Variants in ANAPC1 observed in about 807,000 individuals in gnomAD.
ANAPC1 encodes anaphase-promoting complex subunit 1.
Under a neutral mutation model 208.0 loss-of-function variants are expected in ANAPC1, and 36 were observed. The ratio of observed to expected loss-of-function variants is 0.17; its 90% CI spans 0.13 to 0.23. The LOEUF is 0.23. Among genes scored for constraint, ANAPC1 ranks in the 10% least tolerant of loss-of-function variants. The probability of loss-of-function intolerance (pLI) is 1.00; values close to 1 mark genes in which losing one functional copy is unlikely to be tolerated. For synonymous variants in ANAPC1, 378 were observed against 695.2 expected (o/e 0.54, Z 7.18); for missense variants, 942 against 2,011.6 (o/e 0.47, Z 10.17).
intron 7 of ANAPC1, among the ~76,000 whole-genome samples, chr2:111,865,439 A>G (rs1221326177): frequency 1.3e-5 from 2 of 152,098 alleles, no homozygotes; most frequent in Admixed American, 1.3e-4. Flanking sequence ...TTTCCCAGTG[A>G]GTTCAGCTTT....
chr2:111,844,143 A>G (rs574527610), intron 16 of ANAPC1, among the ~76,000 whole-genome samples: 1 of 152,118 alleles, frequency 6.6e-6, no homozygotes, highest in Admixed American at 6.5e-5. Context: ...TTTGATCATT[A>G]ATTTTGCATC....
chr2:111,810,311 G>A (rs972456966), intron 28 of ANAPC1, among the ~76,000 whole-genome samples: 5 of 150,744 alleles, frequency 3.3e-5, no homozygotes, highest in Non-Finnish European at 7.4e-5. Context: ...GTGGGGGGGG[G>A]TGAGGTAGAG....
chr2:111,872,292 G>A (rs561182044), intron 6 of ANAPC1, among the ~76,000 whole-genome samples: 12 of 152,158 alleles, frequency 7.9e-5, no homozygotes, highest in African/African-American at 2.9e-4. Flanking sequence ...ATTGACTTGT[G>A]TATGTTAAAC....
At chr2:111,828,756 G>C (rs1679970304) in intron 21 of ANAPC1, among the ~76,000 whole-genome samples, 1 of 152,188 alleles carries the variant, frequency 6.6e-6, no homozygotes, top group African/African-American at 2.4e-5. Flanking sequence ...AAATTCATAA[G>C]AAACAGAACG....
chr2:111,791,796 G>GT (rs1405078243), intron 38 of ANAPC1, among the ~76,000 whole-genome samples: 3 of 151,846 alleles, frequency 2.0e-5, no homozygotes, highest in African/African-American at 7.2e-5. Context: ...GACGGGTGCT[G>GT]TGAGTTGAAA....
At chr2:111,822,705 T>TAA in intron 24 of ANAPC1, 105 bp from the exon 25 acceptor site, 1 of 501,606 alleles carries the variant, frequency 2.0e-6, no homozygotes, top group Non-Finnish European at 3.5e-6. Context: ...ATAAGTTCAT[T>TAA]TTATTCATCT....
chr2:111,855,052 C>T (rs951521487), intron 13 of ANAPC1, among the ~76,000 whole-genome samples: 1 of 152,152 alleles, frequency 6.6e-6, no homozygotes, highest in Non-Finnish European at 1.5e-5. Flanking sequence ...ACCTGTGATT[C>T]TTCCCTTCAT....
chr2:111,787,110 C>T (rs1402382553), intron 39 of ANAPC1, among the ~76,000 whole-genome samples: 231 of 144,448 alleles, frequency 1.6e-3, no homozygotes, highest in Non-Finnish European at 2.4e-3. Context: ...GATCACGCCA[C>T]TGCACTTCAG....
At chr2:111,866,749 C>A (rs1171236400) in intron 7 of ANAPC1, among the ~76,000 whole-genome samples, 7 of 128,598 alleles carry the variant, frequency 5.4e-5, no homozygotes, top group South Asian at 2.4e-4. Flanking sequence ...GAAAATAAAA[C>A]GACTAAAAAC....
chr2:111,872,246 T>C (rs1224146752), intron 6 of ANAPC1, among the ~76,000 whole-genome samples: 2 of 152,228 alleles, frequency 1.3e-5, no homozygotes, highest in Non-Finnish European at 2.9e-5. Context: ...GAGATGATCA[T>C]ATGGTTTTTA....
intron 18 of ANAPC1, among the ~76,000 whole-genome samples, chr2:111,837,543 C>CAGCTATTCAGGAGGTTGAGG (rs1680533438): frequency 2.6e-5 from 4 of 151,958 alleles, no homozygotes; most frequent in African/African-American, 9.7e-5. Context: ...TAGCTTCAAC[C>CAGCTATTCAGGAGGTTGAGG]CAGGAGGTGG....
chr2:111,865,181 T>A (rs1682337629), intron 7 of ANAPC1, among the ~76,000 whole-genome samples: 1 of 151,904 alleles, frequency 6.6e-6, no homozygotes, highest in Non-Finnish European at 1.5e-5. Flanking sequence ...TAGCTTCACA[T>A]ACATGCTGTT....
At chr2:111,829,002 G>A (rs1024425564) in intron 21 of ANAPC1, among the ~76,000 whole-genome samples, 2 of 152,194 alleles carry the variant, frequency 1.3e-5, no homozygotes, top group African/African-American at 4.8e-5. Context: ...ATCACCTGAT[G>A]TCAGGAGTTC....
intron 21 of ANAPC1, among the ~76,000 whole-genome samples, chr2:111,829,011 T>TC (rs1679985985): frequency 6.6e-6 from 1 of 152,152 alleles, no homozygotes; most frequent in African/African-American, 2.4e-5. Context: ...TGTCAGGAGT[T>TC]CAAGACCAGC....
chr2:111,801,842 G>C (rs1678460100), intron 33 of ANAPC1, among the ~76,000 whole-genome samples: 1 of 148,872 alleles, frequency 6.7e-6, no homozygotes, highest in African/African-American at 2.5e-5. Context: ...AATCACAAAG[G>C]AAAGAATCAT....
In ANAPC1 at chr2:111,858,353, A is replaced by G. The variant is rs1364683315; in HGVS notation, c.1311T>C (p.Cys437=). ...ASKVFITSDL[C]GQKFLCFLVE... ...CTAAAAAGCACAGGAACTTTTGCCC[A>G]CATAGGTCAGATGTAATAAACACTT... is the stretch of plus-strand genomic sequence containing the variant. The change falls in exon 11 of 48, where the codon TGT becomes TGC. Residue 437 remains cysteine, a synonymous_variant. Coordinates refer to ENST00000341068, the MANE Select transcript of ANAPC1 (RefSeq NM_022662.4). 1.2e-6 allele frequency: 2 copies of G among 1,613,896 alleles called. No homozygotes were observed. The highest frequency in any genetic ancestry group is 8.5e-7 in the Non-Finnish European group (1 of 1,179,850).
chr2:111,782,334 T>A (rs774287576), intron 43 of ANAPC1, 35 bp downstream of exon 43: 2 of 1,612,874 alleles, frequency 1.2e-6, no homozygotes, highest in East Asian at 2.2e-5. Flanking sequence ...AATTTAGAAT[T>A]ATTTCTTTCC....
In ANAPC1 at chr2:111,833,305, T is replaced by G. The variant is rs1483196620; in HGVS notation, c.2391A>C (p.Leu797Phe). ...VELLVQLARD[L>F]KLGPYVDHYY... ...AATGATCTACATAAGGCCCCAATTT[T>G]AAGTCCCTAAAACAGTAAGGGCATG... Residue 797 changes from leucine to phenylalanine, a missense_variant, in exon 20 of 48, where the codon TTA becomes TTC. Coordinates refer to ENST00000341068, the MANE Select transcript of ANAPC1 (RefSeq NM_022662.4). 6.3e-6 allele frequency: 10 copies of G among 1,590,254 alleles called. No homozygotes were observed. Among genetic ancestry groups the G allele is most frequent in the Non-Finnish European group, 8.6e-7 (1 of 1,162,908 alleles).
At chr2:111,853,155 A>G (rs1214933693) in intron 13 of ANAPC1, among the ~76,000 whole-genome samples, 2 of 152,100 alleles carry the variant, frequency 1.3e-5, no homozygotes, top group East Asian at 1.9e-4. Context: ...CCCACTTTAT[A>G]GAGACTCCAG....
Sources: allele counts gnomAD v4.1 joint callset (sites outside exome capture counted in the v4.1 genomes callset), GRCh38; gene constraint gnomAD v4.1.1; transcripts MANE v1.5; gene names NCBI Gene and HGNC (gene_info 2026-07-23, HGNC 2026-07-21).